The following EXPH5 variants were observed in gnomAD, a reference collection of about 807,000 sequenced individuals.
The protein encoded by EXPH5 is exophilin-5.
EXPH5 carries 42 observed loss-of-function variants against 41.1 expected under a neutral mutation model. That is an observed-to-expected ratio of 1.02 (90% CI 0.80 to 1.32). EXPH5 has a LOEUF of 1.32. Ranked by LOEUF, EXPH5 falls within the 40% of genes most tolerant of loss-of-function variation. The pLI, the probability that EXPH5 is intolerant of heterozygous loss-of-function variation, is 0.00. For missense variants in EXPH5, 2,298 were observed against 2,314.5 expected, an observed-to-expected ratio of 0.99 and a Z score of 0.15; for synonymous variants, 798 against 833.5, an observed-to-expected ratio of 0.96 and a Z score of 0.73.
chr11:108,558,273 A>G (rs75073455), intron 1 of EXPH5, among the ~76,000 whole-genome samples: 2,092 of 152,216 alleles, frequency 0.014, 20 homozygotes, highest in Non-Finnish European at 0.023. Flanking sequence ...TTATTTTATT[A>G]CAGACAGGGT....
In EXPH5 at chr11:108,513,991, C is replaced by T. The variant is rs572522023; in HGVS notation, c.1516G>A (p.Asp506Asn). The change falls in exon 6 of 6, where the codon GAC (aspartate) becomes AAC (asparagine). Residue 506 changes from aspartate (D) to asparagine (N), a missense_variant. Physicochemically the swap from Asp to Asn is conservative, Grantham distance 23. Transcript: ENST00000265843. ...SRKSFSSSDRDFEMISMEANS... is the reference protein window; with the variant it reads ...SRKSFSSSDRNFEMISMEANS... ...GCTTCCATGGAAATCATTTCAAAGT[C>T]TCTGTCAGAAGAACTGAATGATTTC... 27 of 1,612,318 alleles carry T rather than the reference C, an allele frequency of 1.7e-5. No homozygotes were observed. The South Asian group carries it at 2.6e-4, about 16-fold the overall frequency.
At position 108,541,820 on chromosome 11, in the gene EXPH5, A is replaced by G; in HGVS notation, c.120-8T>C. The G allele has an allele frequency of 6.3e-7, 1 of 1,575,014 alleles. No individual in the cohort carries two copies. Among genetic ancestry groups the G allele is most frequent in the Non-Finnish European group, 8.6e-7 (1 of 1,163,278 alleles). ...TTTGTCTTCTGAAGTTTGCTGAAAT[A>G]AAATAAAACATTAATGTGGTCTTTA... On this transcript the variant is annotated splice_region_variant and splice_polypyrimidine_tract_variant and intron_variant, in intron 1 of 5. Transcript: ENST00000265843.
Position 108,509,008 on chromosome 11 carries a change from G to A in EXPH5, c.*529C>T, listed in dbSNP as rs1394064052. ...AATTCCTTTATCTTTGTTTGAAAGA[G>A]AAGATCACCACCTTAAACTTCCTAA... On this transcript the variant is annotated 3_prime_UTR_variant, in exon 6 of 6. Transcript: ENST00000265843. The A allele has an allele frequency of 6.6e-6, 1 of 151,966 alleles. No individual in the cohort carries two copies. The highest frequency in any genetic ancestry group is 3.2e-3 in the Middle Eastern group (1 of 316). The allele number at this position is 151,966 out of a possible 1,614,324, so 9.4% of individuals were successfully genotyped here. A position where few individuals can be genotyped will look rare whatever the true frequency, so the allele number is the denominator to read the frequency against.
rs146302191 is a variant in EXPH5 at position 108,568,891 on chromosome 11, TCACTCAC to T, written c.119+24520_119+24526del. ...ACACAATTCTTCCCTAATCCAGGCTTCACTCACCACCCATGGCCATCCACCTAATTTG... is the reference window on the plus strand; with the variant it reads ...ACACAATTCTTCCCTAATCCAGGCTTCACCCATGGCCATCCACCTAATTTG... On this transcript the variant is annotated intron_variant, in intron 1 of 5. Coordinates refer to ENST00000265843, the MANE Select transcript of EXPH5 (RefSeq NM_015065.3). Among the ~76,000 whole-genome samples, 607 of 152,270 alleles carry T rather than the reference TCACTCAC, an allele frequency of 4.0e-3. 5 individuals are homozygous for T. The highest frequency in any genetic ancestry group is 0.014 in the African/African-American group (581 of 41,562).
At chr11:108,573,161 A>AAAGAAAG (rs2094067450) in intron 1 of EXPH5, among the ~76,000 whole-genome samples, 2 of 144,148 alleles carry the variant, frequency 1.4e-5, no homozygotes, top group Admixed American at 6.9e-5. Context: ...AGAAAGAAAG[A>AAAGAAAG]AAGAAAGAAA....
upstream of EXPH5, among the ~76,000 whole-genome samples, chr11:108,594,103 G>A (rs2094135115): frequency 6.6e-6 from 1 of 152,188 alleles, no homozygotes; most frequent in Admixed American, 6.5e-5. Context: ...AAATAGAATT[G>A]CAAGTAGGGT....
chr11:108,570,299 G>C (rs926579180), intron 1 of EXPH5, among the ~76,000 whole-genome samples: 2 of 151,944 alleles, frequency 1.3e-5, no homozygotes, highest in Non-Finnish European at 2.9e-5. Flanking sequence ...CTGTCTCCCA[G>C]GCTGGAGTGC....
intron 1 of EXPH5, among the ~76,000 whole-genome samples, chr11:108,574,155 C>T (rs1044561949): frequency 2.0e-5 from 3 of 151,662 alleles, no homozygotes; most frequent in African/African-American, 4.8e-5. Context: ...CTGATTCACT[C>T]GCCTTAGCCT....
In EXPH5 at chr11:108,538,322, C is replaced by T. The variant is rs1014159641; in HGVS notation, c.443+702G>A. The stretch of plus-strand genomic sequence containing the variant: ...AGGAAGACATGCCGAAAATATTTAG[C>T]AGTCAGCTCAATTGCACTTAAGCAT... On this transcript the variant is annotated intron_variant, in intron 3 of 5. Coordinates refer to ENST00000265843, the MANE Select transcript of EXPH5 (RefSeq NM_015065.3). The T allele has an allele frequency of 2.3e-5, 20 of 873,076 alleles. No homozygotes were observed. In the African/African-American group the frequency reaches 3.5e-4, roughly 15 times the overall value. 54.1% of individuals were successfully genotyped at this position (873,076 alleles called of 1,614,324 possible).
chr11:108,507,855 C>T lies in EXPH5; in HGVS notation c.*1682G>A, dbSNP rs2093652686. 1 of 151,872 alleles carries T rather than the reference C, an allele frequency of 6.6e-6. No homozygotes were observed. The highest frequency in any genetic ancestry group is 6.6e-5 in the Admixed American group (1 of 15,236). The allele number at this position is 151,872 out of a possible 1,614,324, so 9.4% of individuals were successfully genotyped here. On this transcript the variant is annotated 3_prime_UTR_variant, in exon 6 of 6. Transcript: ENST00000265843. ...CCCCACCTGAAAAGAAGCGTTCTAC[C>T]TTGCAATTAAAGAAAATGTGGGCCA... is the stretch of plus-strand genomic sequence containing the variant.
At chr11:108,546,490 A>G (rs1565813659) in intron 1 of EXPH5, among the ~76,000 whole-genome samples, 1 of 152,180 alleles carries the variant, frequency 6.6e-6, no homozygotes, top group African/African-American at 2.4e-5. Context: ...TTTGGGGAGT[A>G]GGGGTAGAGA....
At position 108,513,944 on chromosome 11, in the gene EXPH5, A is replaced by G. The variant is rs972933071; in HGVS notation, c.1563T>C (p.His521=). ...SMEANSVSAI[H]GHNVSSEHWE... ...AGTGTTCAGAAGAAACATTATGGCC[A>G]TGAATGGCTGATACACTATTTGCTT... Residue 521 remains histidine (H), a synonymous_variant, in exon 6 of 6, where the codon CAT becomes CAC. Transcript: ENST00000265843. 1.2e-6 allele frequency: 2 copies of G among 1,608,166 alleles called. No individual in the cohort carries two copies. Among genetic ancestry groups the G allele is most frequent in the Non-Finnish European group, 8.5e-7 (1 of 1,177,636 alleles).
Position 108,558,235 on chromosome 11 carries a change from G to A in EXPH5, c.120-16423C>T, listed in dbSNP as rs553536385. ...TTGGATTACAGGTGTCAGCCACTGC[G>A]CCCAGCTCCCACTTTTTAAACTTTA... On this transcript the variant is annotated intron_variant, in intron 1 of 5. Coordinates refer to ENST00000265843, the MANE Select transcript of EXPH5 (RefSeq NM_015065.3). Among the ~76,000 whole-genome samples the A allele has an allele frequency of 3.3e-5, 5 of 152,166 alleles. No individual in the cohort carries two copies. The East Asian group carries it at 7.7e-4, about 23-fold the overall frequency.
Position 108,505,453 on chromosome 11 carries a change from T to G in EXPH5, c.*4084A>C, listed in dbSNP as rs2093639360. 1 of 152,208 alleles carries G rather than the reference T, an allele frequency of 6.6e-6. No individual in the cohort carries two copies. The highest frequency in any genetic ancestry group is 1.5e-5 in the Non-Finnish European group (1 of 68,048). The allele number at this position is 152,208 out of a possible 1,614,324, so 9.4% of individuals were successfully genotyped here. On this transcript the variant is annotated 3_prime_UTR_variant, in exon 6 of 6. Transcript: ENST00000265843. ...TAGTGCATCTGTTTAAGTCATTTAT[T>G]TCAATACAGGCATTGTTTTAAATTT...
chr11:108,512,852 T>C lies in EXPH5; in HGVS notation c.2655A>G (p.Pro885=), dbSNP rs773386848. 6.2e-7 allele frequency: 1 copy of C among 1,614,178 alleles called. No homozygotes were observed. ...DSLDLSSAAL[P]DSSPSKNSSL... ...AAGAATTCTTTGATGGTGAGGAATC[T>C]GGTAGTGCAGCTGATGACAGATCTA... Residue 885 remains proline, a synonymous_variant, in exon 6 of 6, where the codon CCA becomes CCG. Transcript: ENST00000265843.
chr11:108,575,009 G>A (rs905506591), intron 1 of EXPH5, among the ~76,000 whole-genome samples: 2 of 152,170 alleles, frequency 1.3e-5, no homozygotes, highest in Admixed American at 1.3e-4. Context: ...TCAGAAAAAT[G>A]TACCCCCGAT....
In EXPH5 at chr11:108,593,466, A is replaced by G. The variant is rs900942441; in HGVS notation, c.71T>C (p.Val24Ala). 128 of 1,613,976 alleles carry G rather than the reference A, an allele frequency of 7.9e-5. No homozygotes were observed. The highest frequency in any genetic ancestry group is 1.1e-4 in the Non-Finnish European group (124 of 1,180,010). The change falls in exon 1 of 6, where the codon GTG (valine) becomes GCG (alanine). Residue 24 changes from valine (V) to alanine (A), a missense_variant. Transcript: ENST00000265843. Reference sequence around the variant, plus strand: ...CTGTAACTCCTCATTCCTTTCCAGCACCTGAAGGATCTTCCTGGCCTCTTC... The same window carrying G: ...CTGTAACTCCTCATTCCTTTCCAGCGCCTGAAGGATCTTCCTGGCCTCTTC... ...NDEEARKILQVLERNEELQRA... is the reference protein window; with the variant it reads ...NDEEARKILQALERNEELQRA...
intron 4 of EXPH5, among the ~76,000 whole-genome samples, chr11:108,525,918 C>CT (rs11390097): frequency 0.24 from 31,567 of 132,548 alleles, 4,332 homozygotes; most frequent in African/African-American, 0.36. Flanking sequence ...TTTTTCTTTT[C>CT]TTTTTTTTTT....
At chr11:108,579,596 C>T (rs751036841) in intron 1 of EXPH5, among the ~76,000 whole-genome samples, 51 of 151,574 alleles carry the variant, frequency 3.4e-4, no homozygotes, top group Non-Finnish European at 7.1e-4. Context: ...AGAGTAAGTG[C>T]TTTCACCCTG....
Sources: gnomAD v4.1 joint callset for allele counts (sites outside exome capture counted in the v4.1 genomes callset) on GRCh38, gnomAD v4.1.1 for gene constraint, MANE v1.5 for transcripts, NCBI Gene and HGNC (gene_info 2026-07-23, HGNC 2026-07-21) for gene names.